FRK: variants seen among roughly 807,000 people sequenced by gnomAD.
FRK encodes the protein fyn related Src family tyrosine kinase.
In FRK, 51 loss-of-function variants were observed where a neutral mutation model predicts 56.4. The ratio of observed to expected loss-of-function variants is 0.90; its 90% CI spans 0.72 to 1.14. The LOEUF is 1.14. Ranked by LOEUF, FRK falls within the 50% of genes most tolerant of loss-of-function variation. FRK has a pLI of 0.00. For synonymous variants in FRK, 245 were observed against 217.9 expected, an observed-to-expected ratio of 1.12 and a Z score of -1.10; for missense variants, 570 against 601.4, an observed-to-expected ratio of 0.95 and a Z score of 0.55.
chr6:116,095,230 G>C, the FRK span, among the ~76,000 whole-genome samples: 2 of 152,178 alleles, frequency 1.3e-5, no homozygotes, highest in Non-Finnish European at 2.9e-5. Context: ...GGTGATTAAG[G>C]GAAAACGACA....
chr6:116,003,087 C>T (rs1775125220), intron 2 of FRK, among the ~76,000 whole-genome samples: 3 of 152,092 alleles, frequency 2.0e-5, no homozygotes, highest in African/African-American at 4.8e-5. Flanking sequence ...GAAGCAAAGC[C>T]TCTCCCTCCA....
At chr6:116,004,083 A>G in intron 1 of FRK, 85 bp from the exon 2 acceptor site, 2 of 1,208,062 alleles carry the variant, frequency 1.7e-6, no homozygotes, top group Non-Finnish European at 2.3e-6. Context: ...TAGTATTCTA[A>G]TATCAAAAAT....
chr6:116,065,926 C>T, the FRK span, among the ~76,000 whole-genome samples: 1 of 152,138 alleles, frequency 6.6e-6, no homozygotes, highest in Admixed American at 6.6e-5. Context: ...AAGCATATTG[C>T]CCTGTCTTTG....
intron 1 of FRK, among the ~76,000 whole-genome samples, chr6:116,055,196 A>C (rs1232654276): frequency 1.3e-5 from 2 of 152,198 alleles, no homozygotes; most frequent in Non-Finnish European, 2.9e-5. Context: ...AGGTTAGATA[A>C]AATCTTCAAA....
chr6:115,971,234 T>A (rs1358685447), intron 2 of FRK, among the ~76,000 whole-genome samples: 1 of 152,190 alleles, frequency 6.6e-6, no homozygotes, highest in African/African-American at 2.4e-5. Context: ...AAAGTAAATG[T>A]TACCTAATTT....
chr6:116,000,904 A>G (rs6934253), intron 2 of FRK, among the ~76,000 whole-genome samples: 117,261 of 152,144 alleles, frequency 0.77, 45,957 homozygotes, highest in Middle Eastern at 0.91. Flanking sequence ...ATTAAAGGGC[A>G]TGCAAAAATG....
At chr6:115,942,773 C>T (rs1377580087) in intron 7 of FRK, 148 bp from the exon 8 acceptor site, 8 of 776,892 alleles carry the variant, frequency 1.0e-5, no homozygotes, top group Non-Finnish European at 1.4e-5. Flanking sequence ...TCTCAGGTTA[C>T]ACAGATTAAA....
intron 2 of FRK, chr6:116,002,592 G>A (rs1013853419): frequency 3.7e-5 from 15 of 405,196 alleles, no homozygotes; most frequent in East Asian, 7.8e-5. Context: ...GCCATAGAGC[G>A]ACACTCCGTC....
At chr6:116,006,090 A>G (rs1310913869) in intron 1 of FRK, among the ~76,000 whole-genome samples, 1 of 152,216 alleles carries the variant, frequency 6.6e-6, no homozygotes, top group African/African-American at 2.4e-5. Context: ...ATATAAGCCA[A>G]AAACCTGGAA....
chr6:116,049,130 TTCTA>T (rs1324749962), intron 1 of FRK, among the ~76,000 whole-genome samples: 1 of 152,200 alleles, frequency 6.6e-6, no homozygotes, highest in Non-Finnish European at 1.5e-5. Flanking sequence ...AAGCCCTGCC[TTCTA>T]TCTATTTCTA....
At chr6:115,944,661 C>G (rs558308798) in intron 5 of FRK, among the ~76,000 whole-genome samples, 29 of 152,240 alleles carry the variant, frequency 1.9e-4, no homozygotes, top group African/African-American at 6.5e-4. Flanking sequence ...ATCACATGAT[C>G]CAAACGTGGC....
chr6:116,081,821 C>T, the FRK span, among the ~76,000 whole-genome samples: 1 of 152,100 alleles, frequency 6.6e-6, no homozygotes, highest in Non-Finnish European at 1.5e-5. Flanking sequence ...TATTATGCAT[C>T]ATATGCTGTT....
At chr6:116,026,524 GA>G (rs1776094023) in intron 1 of FRK, among the ~76,000 whole-genome samples, 2 of 131,248 alleles carry the variant, frequency 1.5e-5, no homozygotes, top group Non-Finnish European at 3.3e-5. Context: ...GGGAGGGAGG[GA>G]GGGGGGAAGG....
At chr6:115,966,825 A>G (rs962593800) in intron 4 of FRK, among the ~76,000 whole-genome samples, 2 of 152,150 alleles carry the variant, frequency 1.3e-5, no homozygotes, top group Non-Finnish European at 2.9e-5. Context: ...GTTTTTATCC[A>G]TCACTTACTG....
At position 116,018,528 on chromosome 6, in the gene FRK, T is replaced by G. The variant is rs182882245; in HGVS notation, c.345-14530A>C. 7.9e-5 allele frequency among the ~76,000 whole-genome samples: 12 copies of G among 152,320 alleles called. No individual in the cohort carries two copies. The East Asian group carries it at 2.1e-3, about 27-fold the overall frequency. On this transcript the variant is annotated intron_variant, in intron 1 of 7. Coordinates refer to ENST00000606080, the MANE Select transcript of FRK (RefSeq NM_002031.3). ...TTTTAAATAATTCAGTTTATTAAAA[T>G]TATAAGTGTCTTGAAGTAGACTAAA... is the stretch of plus-strand genomic sequence containing the variant.
At chr6:115,983,430 G>A (rs573110518) in intron 2 of FRK, among the ~76,000 whole-genome samples, 74 of 152,196 alleles carry the variant, frequency 4.9e-4, no homozygotes, top group Non-Finnish European at 8.7e-4. Context: ...ATAATGCTTT[G>A]GATAAAGTCT....
chr6:115,958,632 A>G (rs202161129), intron 4 of FRK, among the ~76,000 whole-genome samples: 1 of 7,120 alleles, frequency 1.4e-4, no homozygotes, highest in Non-Finnish European at 1.8e-3. Flanking sequence ...TGTCTCAAAA[A>G]AGGAAAGAAA....
the FRK span, among the ~76,000 whole-genome samples, chr6:116,088,316 CA>C: frequency 6.6e-6 from 1 of 151,902 alleles, no homozygotes; most frequent in Non-Finnish European, 1.5e-5. Context: ...AAATTTTCTG[CA>C]AATAGTAATA....
intron 1 of FRK, among the ~76,000 whole-genome samples, chr6:116,027,406 C>T (rs1278698742): frequency 1.3e-5 from 2 of 152,018 alleles, no homozygotes; most frequent in Non-Finnish European, 2.9e-5. Flanking sequence ...TTTAAAAAAT[C>T]GAATCTGAGT....
Sources: gnomAD v4.1 joint callset for allele counts (sites outside exome capture counted in the v4.1 genomes callset) on GRCh38, gnomAD v4.1.1 for gene constraint, MANE v1.5 for transcripts, NCBI Gene and HGNC (gene_info 2026-07-23, HGNC 2026-07-21) for gene names.